CADM2: variants seen among roughly 807,000 people sequenced by gnomAD.
The protein encoded by CADM2 is cell adhesion molecule 2, also known as immunoglobulin superfamily member 4D.
A neutral mutation model predicts 49.8 loss-of-function variants in CADM2; 12 were observed. The observed-to-expected ratio is 0.24, with a 90% CI of 0.15 to 0.39. The LOEUF is 0.39. CADM2 is among the 10% of genes least tolerant of loss of function. CADM2 has a pLI of 1.00. For synonymous variants in CADM2, 214 were observed against 175.4 expected, an observed-to-expected ratio of 1.22 and a Z score of -1.74; for missense variants, 378 against 492.3, an observed-to-expected ratio of 0.77 and a Z score of 2.20.
chr3:85,688,076 A>G (rs1007801321), intron 1 of CADM2, among the ~76,000 whole-genome samples: 1 of 152,118 alleles, frequency 6.6e-6, no homozygotes, highest in Non-Finnish European at 1.5e-5. Flanking sequence ...CACCCAATGT[A>G]TGTGGAAACA....
At chr3:85,711,031 A>T (rs185563190) in intron 1 of CADM2, among the ~76,000 whole-genome samples, 4 of 152,278 alleles carry the variant, frequency 2.6e-5, no homozygotes, top group Admixed American at 2.6e-4. Context: ...CTGAGAATTA[A>T]TTATATTTTC....
intron 1 of CADM2, among the ~76,000 whole-genome samples, chr3:85,712,410 G>T (rs945555759): frequency 1.3e-5 from 2 of 152,044 alleles, no homozygotes; most frequent in East Asian, 3.9e-4. Flanking sequence ...TCTACCCTTT[G>T]TTATCATATT....
At chr3:85,678,232 G>C (rs2065940314) in intron 1 of CADM2, among the ~76,000 whole-genome samples, 1 of 152,164 alleles carries the variant, frequency 6.6e-6, no homozygotes, top group African/African-American at 2.4e-5. Context: ...GGATGTTCCA[G>C]GGAAGGCTTT....
chr3:85,077,203 A>G (rs902337703), intron 1 of CADM2, among the ~76,000 whole-genome samples: 2 of 152,170 alleles, frequency 1.3e-5, no homozygotes, highest in African/African-American at 4.8e-5. Flanking sequence ...TAATTAAAGA[A>G]TATTGCCCTG....
intron 8 of CADM2, among the ~76,000 whole-genome samples, chr3:86,017,227 A>T (rs1732388228): frequency 6.6e-6 from 1 of 150,500 alleles, no homozygotes; most frequent in African/African-American, 2.4e-5. Context: ...GCAATATGTT[A>T]CAATAACATA....
At chr3:85,187,692 G>T (rs1464505451) in intron 1 of CADM2, among the ~76,000 whole-genome samples, 1 of 151,982 alleles carries the variant, frequency 6.6e-6, no homozygotes, top group Non-Finnish European at 1.5e-5. Flanking sequence ...TTTATTAAAT[G>T]TCAACGTGGA....
rs2045114886 is a variant in CADM2, at chr3:85,337,224, C to A, written c.61+377556C>A. Among the ~76,000 whole-genome samples, 8 of 150,298 alleles carry A rather than the reference C, an allele frequency of 5.3e-5. No homozygotes were observed. The South Asian group carries it at 1.7e-3, about 31-fold the overall frequency. ...CAGCATCTTTAAACTCCAACTGAACCAAACATTCCTATTTTAGTGTGATGA... is the reference window on the plus strand; with the variant it reads ...CAGCATCTTTAAACTCCAACTGAACAAAACATTCCTATTTTAGTGTGATGA... On this transcript the variant is annotated intron_variant, in intron 1 of 9. Transcript: ENST00000383699.
At chr3:85,472,105 G>T (rs2038795914) in intron 1 of CADM2, among the ~76,000 whole-genome samples, 1 of 151,448 alleles carries the variant, frequency 6.6e-6, no homozygotes, top group African/African-American at 2.4e-5. Context: ...TTTCTTCTGG[G>T]GACATTTTTA....
At chr3:85,863,108 G>T (rs1313734578) in intron 3 of CADM2, among the ~76,000 whole-genome samples, 2 of 152,118 alleles carry the variant, frequency 1.3e-5, no homozygotes, top group Non-Finnish European at 2.9e-5. Context: ...ATAAATATAG[G>T]CATTGTCAGC....
chr3:85,836,375 T>G (rs571317673), intron 3 of CADM2, among the ~76,000 whole-genome samples: 1 of 151,798 alleles, frequency 6.6e-6, no homozygotes, highest in Admixed American at 6.6e-5. Context: ...GCTTCAGGTT[T>G]TGATTCTTTC....
chr3:85,535,072 A>T (rs537790036), intron 1 of CADM2, among the ~76,000 whole-genome samples: 3 of 112,410 alleles, frequency 2.7e-5, no homozygotes, highest in African/African-American at 7.5e-5. Context: ...TCACGATGTT[A>T]CTCAGTAATT....
rs2042405545 is a variant in CADM2 at position 85,236,265 on chromosome 3, G to A, written c.61+276597G>A. 2.0e-5 allele frequency among the ~76,000 whole-genome samples: 3 copies of A among 151,944 alleles called. No homozygotes were observed. The South Asian group carries it at 6.2e-4, about 32-fold the overall frequency. On this transcript the variant is annotated intron_variant, in intron 1 of 9. Transcript: ENST00000383699. ...CATATATATATGAACATGTATATATGTAGAATTATATGCATAAAATTGGAT... is the reference window on the plus strand; with the variant it reads ...CATATATATATGAACATGTATATATATAGAATTATATGCATAAAATTGGAT...
intron 1 of CADM2, among the ~76,000 whole-genome samples, chr3:85,223,936 C>A (rs1423954454): frequency 1.3e-5 from 2 of 151,994 alleles, no homozygotes; most frequent in African/African-American, 4.8e-5. Flanking sequence ...ATGAACTCAT[C>A]ATTTTTTTAT....
At chr3:85,648,001 T>C (rs2064937999) in intron 1 of CADM2, among the ~76,000 whole-genome samples, 2 of 151,924 alleles carry the variant, frequency 1.3e-5, no homozygotes, top group South Asian at 4.1e-4. Flanking sequence ...TAATTTTCTT[T>C]CTTTCTTTTA....
At chr3:85,803,486 T>C (rs2072188124) in intron 3 of CADM2, among the ~76,000 whole-genome samples, 1 of 141,262 alleles carries the variant, frequency 7.1e-6, no homozygotes, top group African/African-American at 2.8e-5. Flanking sequence ...AACAGACAGA[T>C]AGATAGATAG....
At chr3:85,839,612 A>G (rs2074553925) in intron 3 of CADM2, among the ~76,000 whole-genome samples, 1 of 151,832 alleles carries the variant, frequency 6.6e-6, no homozygotes, top group Non-Finnish European at 1.5e-5. Context: ...AGCCTTCTAT[A>G]TAATTGGCAT....
intron 1 of CADM2, among the ~76,000 whole-genome samples, chr3:85,322,973 T>C (rs1038411972): frequency 2.6e-5 from 4 of 152,202 alleles, no homozygotes; most frequent in African/African-American, 9.6e-5. Flanking sequence ...TTCATTATTC[T>C]TTTATTGTGG....
chr3:85,397,995 CT>C (rs2034880722), intron 1 of CADM2, among the ~76,000 whole-genome samples: 1 of 151,480 alleles, frequency 6.6e-6, no homozygotes, highest in Admixed American at 6.6e-5. Context: ...ATCCAGAAGC[CT>C]TTTTCTTTTT....
chr3:85,429,054 A>T (rs73843604), intron 1 of CADM2, among the ~76,000 whole-genome samples: 1,683 of 152,152 alleles, frequency 0.011, 38 homozygotes, highest in African/African-American at 0.038. Flanking sequence ...ACAATAACAT[A>T]TTATATGAAT....
Sources: allele counts gnomAD v4.1 joint callset (sites outside exome capture counted in the v4.1 genomes callset), GRCh38; gene constraint gnomAD v4.1.1; transcripts MANE v1.5; gene names NCBI Gene and HGNC (gene_info 2026-07-23, HGNC 2026-07-21).